OTOGL: variants seen among roughly 807,000 people sequenced by gnomAD.
OTOGL encodes otogelin-like protein.
In OTOGL, 285 loss-of-function variants were observed where a neutral mutation model predicts 318.5. The ratio of observed to expected loss-of-function variants is 0.89; its 90% CI spans 0.81 to 0.99. The LOEUF (loss-of-function observed/expected upper bound fraction) is 0.99. Ranked by LOEUF, OTOGL falls within the 50% of genes least tolerant of loss-of-function variation. OTOGL has a pLI of 0.00. For synonymous variants in OTOGL, 987 were observed against 936.5 expected (o/e 1.05, Z -0.99); for missense variants, 2,899 against 2,845.6 (o/e 1.02, Z -0.43).
chr12:80,221,809 A>G (rs1272328919), intron 6 of OTOGL, among the ~76,000 whole-genome samples: 6 of 152,150 alleles, frequency 3.9e-5, no homozygotes, highest in African/African-American at 9.7e-5. Flanking sequence ...ATTATTTTCC[A>G]TACTCCTTTT....
chr12:80,272,342 ATGTGTGTGTGTGTGTGTG>A (rs56364698), intron 24 of OTOGL, among the ~76,000 whole-genome samples: 256 of 145,600 alleles, frequency 1.8e-3, no homozygotes, highest in African/African-American at 4.4e-3. Flanking sequence ...AGGCATTGTG[ATGTGTGTGTGTGTGTGTG>A]TGTGTGTGTG....
intron 1 of OTOGL, among the ~76,000 whole-genome samples, chr12:80,166,194 CCTCTCT>C (rs3045762): frequency 6.8e-6 from 1 of 147,528 alleles, no homozygotes; most frequent in Non-Finnish European, 1.5e-5. Context: ...CTCCCTTCTT[CCTCTCT>C]CTCTCTCTCT....
intron 18 of OTOGL, among the ~76,000 whole-genome samples, chr12:80,258,682 C>T (rs868430022): frequency 2.0e-5 from 3 of 152,206 alleles, no homozygotes; most frequent in Middle Eastern, 6.8e-3. Flanking sequence ...CCATGGTTCT[C>T]ATCCTCATGG....
chr12:80,367,519 T>G (rs1449945973), intron 53 of OTOGL, 42 bp from the exon 54 acceptor site: 5 of 1,388,368 alleles, frequency 3.6e-6, no homozygotes, highest in Non-Finnish European at 4.8e-6. Context: ...AGTACAAAAC[T>G]CAACAGTATA....
At chr12:80,307,769 G>T (rs1402317513) in intron 29 of OTOGL, among the ~76,000 whole-genome samples, 1 of 143,458 alleles carries the variant, frequency 7.0e-6, no homozygotes, top group Admixed American at 6.8e-5. Context: ...TCCCGGACGG[G>T]GTGGCTGGCC....
In OTOGL at chr12:80,378,348, T is replaced by C. The variant is rs1373492049; in HGVS notation, c.*300T>C. On this transcript the variant is annotated 3_prime_UTR_variant, in exon 59 of 59. Coordinates refer to ENST00000547103, the MANE Select transcript of OTOGL (RefSeq NM_001378609.3). ...TATATTCTCATCAACTGGAAGGTTA[T>C]TTTGCAAAATTCCTTCAATTTCACT... 3 of 217,996 alleles carry C rather than the reference T, an allele frequency of 1.4e-5. No homozygotes were observed. Among genetic ancestry groups the C allele is most frequent in the Non-Finnish European group, 2.7e-5 (3 of 109,272 alleles). 13.5% of individuals were successfully genotyped at this position (217,996 alleles called of 1,614,324 possible).
chr12:80,343,526 T>TTTTTTTTTTTTTTTTTTTTTTC (rs1555301044), intron 44 of OTOGL: 11 of 118,158 alleles, frequency 9.3e-5, no homozygotes, highest in African/African-American at 4.6e-4. Flanking sequence ...TTTTTTTTTT[T>TTTTTTTTTTTTTTTTTTTTTTC]TTTTTTTTTT....
chr12:80,261,659 T>C lies in OTOGL; in HGVS notation c.1890-310T>C, dbSNP rs60342716. Among the ~76,000 whole-genome samples, 347 of 152,202 alleles carry C rather than the reference T, an allele frequency of 2.3e-3. 4 individuals are homozygous for C. The highest frequency in any genetic ancestry group is 8.0e-3 in the African/African-American group (332 of 41,542). The stretch of plus-strand genomic sequence containing the variant: ...AATCGTGGCTTTGATACTTAGCAGC[T>C]TAGTGTAATTTAATATTTCTCGGAG... On this transcript the variant is annotated intron_variant, in intron 18 of 58. Coordinates refer to ENST00000547103, the MANE Select transcript of OTOGL (RefSeq NM_001378609.3).
In OTOGL at chr12:80,291,641, G is replaced by C. The variant is rs12299539; in HGVS notation, c.2929-5186G>C. On this transcript the variant is annotated intron_variant, in intron 26 of 58. Transcript: ENST00000547103. ...CAAGGTGTCAGGCCAGTCTGTACGA[G>C]AGGCTTTGGTCAGCTCTATAATGTC... 2.6e-5 allele frequency among the ~76,000 whole-genome samples: 4 copies of C among 152,182 alleles called. No individual in the cohort carries two copies. In the South Asian group the frequency reaches 6.2e-4, roughly 24 times the overall value.
intron 1 of OTOGL, among the ~76,000 whole-genome samples, chr12:80,186,504 C>A (rs1417803810): frequency 2.0e-5 from 3 of 152,300 alleles, no homozygotes; most frequent in African/African-American, 7.2e-5. Context: ...CTTCCCCAAA[C>A]AGAGTTCTAA....
In OTOGL at chr12:80,320,177, T is replaced by C. The variant is rs573982024; in HGVS notation, c.3803-245T>C. On this transcript the variant is annotated intron_variant, in intron 33 of 58. Coordinates refer to ENST00000547103, the MANE Select transcript of OTOGL (RefSeq NM_001378609.3). ...AGGACAAAATAAATTATTAAAAAAA[T>C]AGAAGTTACCAAAGACTGATTTTTT... 1.1e-3 allele frequency among the ~76,000 whole-genome samples: 174 copies of C among 152,220 alleles called. 1 individual carries two copies. The highest frequency in any genetic ancestry group is 4.1e-3 in the African/African-American group (170 of 41,526).
chr12:80,171,508 G>T (rs1049524668), intron 1 of OTOGL, among the ~76,000 whole-genome samples: 6 of 152,064 alleles, frequency 3.9e-5, no homozygotes, highest in Admixed American at 1.3e-4. Context: ...TATTCTTTTT[G>T]ATTTTTTATT....
At position 80,216,599 on chromosome 12, in the gene OTOGL, G is replaced by A. The variant is rs372111963; in HGVS notation, c.169-999G>A. 2.0e-5 allele frequency among the ~76,000 whole-genome samples: 3 copies of A among 152,238 alleles called. No homozygotes were observed. In the East Asian group the frequency reaches 5.8e-4, roughly 29 times the overall value. On this transcript the variant is annotated intron_variant, in intron 4 of 58. Coordinates refer to ENST00000547103, the MANE Select transcript of OTOGL (RefSeq NM_001378609.3). ...CTTTTTTGCTAATTTTCTGTGTGAGGCACTATGTATGTAAGCTTCACGTAC... is the reference window on the plus strand; with the variant it reads ...CTTTTTTGCTAATTTTCTGTGTGAGACACTATGTATGTAAGCTTCACGTAC...
intron 1 of OTOGL, among the ~76,000 whole-genome samples, chr12:80,192,473 G>T (rs1427648836): frequency 1.3e-5 from 2 of 152,186 alleles, no homozygotes; most frequent in South Asian, 4.1e-4. Context: ...ACAGAAGTTT[G>T]TGGGAAAATA....
intron 6 of OTOGL, among the ~76,000 whole-genome samples, chr12:80,221,671 T>TA (rs1192990572): frequency 7.6e-6 from 1 of 132,048 alleles, no homozygotes; most frequent in Non-Finnish European, 1.8e-5. Context: ...GTGGATACCA[T>TA]AAAAAGACGT....
chr12:80,279,276 A>T (rs746229520), intron 26 of OTOGL, 110 bp downstream of exon 26: 89 of 1,122,422 alleles, frequency 7.9e-5, no homozygotes, highest in Middle Eastern at 2.6e-4. Flanking sequence ...TAAAACCTAT[A>T]AAACAATTAT....
chr12:80,343,933 G>T (rs1264446356), intron 44 of OTOGL: 1 of 152,196 alleles, frequency 6.6e-6, no homozygotes, highest in Non-Finnish European at 1.5e-5. Context: ...AAAGAGTTTG[G>T]TGCAACATCT....
chr12:80,262,009 G>A lies in OTOGL; in HGVS notation c.1930G>A (p.Ala644Thr), dbSNP rs777164325. The change falls in exon 19 of 59, where the codon GCA becomes ACA. Residue 644 changes from alanine to threonine, a missense_variant. Coordinates refer to ENST00000547103, the MANE Select transcript of OTOGL (RefSeq NM_001378609.3). ...GATAGAAGGTACACCACAACTTCAC[G>A]CAAATGCGTGGAGAGTTTCTTCTAC... ...GMIEGTPQLH[A>T]NAWRVSSTCF... The A allele has an allele frequency of 1.5e-5, 24 of 1,612,840 alleles. No individual in the cohort carries two copies. Among genetic ancestry groups the A allele is most frequent in the African/African-American group, 4.0e-5 (3 of 74,872 alleles).
chr12:80,239,231 T>C (rs1250283880), intron 10 of OTOGL, 102 bp from the exon 11 acceptor site: 2 of 1,029,172 alleles, frequency 1.9e-6, no homozygotes, highest in Non-Finnish European at 1.4e-6. Context: ...ATCTTTTTCC[T>C]TGTGAGAACT....
Sources: allele counts gnomAD v4.1 joint callset (sites outside exome capture counted in the v4.1 genomes callset), GRCh38; gene constraint gnomAD v4.1.1; transcripts MANE v1.5; gene names NCBI Gene and HGNC (gene_info 2026-07-23, HGNC 2026-07-21).